CCDC149: variants seen among roughly 807,000 people sequenced by gnomAD.
CCDC149 encodes coiled-coil domain containing 149, also known as coiled-coil domain-containing protein 149.
A neutral mutation model predicts 59.9 loss-of-function variants in CCDC149; 45 were observed. That is an observed-to-expected ratio of 0.75 (90% confidence interval 0.59 to 0.96). The LOEUF (loss-of-function observed/expected upper bound fraction) is 0.96, where lower values mean the gene tolerates loss of function less well. Ranked by LOEUF, CCDC149 falls within the 40% of genes least tolerant of loss-of-function variation. CCDC149 has a pLI of 0.00. For missense variants in CCDC149, 584 were observed against 664.7 expected (o/e 0.88, Z 1.33); for synonymous variants, 245 against 260.6 (o/e 0.94, Z 0.58).
chr4:24,959,151 T>G (rs1349622466), intron 1 of CCDC149, among the ~76,000 whole-genome samples: 1 of 152,156 alleles, frequency 6.6e-6, no homozygotes, highest in Non-Finnish European at 1.5e-5. Context: ...TTTTTTTGTA[T>G]TTTTAGTGGA....
rs144007187 is a variant in CCDC149 at position 24,809,315 on chromosome 4, C to T, written c.1193-496G>A. 1.3e-3 allele frequency among the ~76,000 whole-genome samples: 197 copies of T among 152,314 alleles called. 1 individual carries two copies. Among genetic ancestry groups the T allele is most frequent in the African/African-American group, 4.5e-3 (189 of 41,578 alleles). On this transcript the variant is annotated intron_variant, in intron 12 of 12. Transcript: ENST00000635206. ...AGCATCTCATTCCTTAATGCGGACA[C>T]CTAGTGTTCCTCAATATCAAATAAA... is the stretch of plus-strand genomic sequence containing the variant.
Position 24,844,308 on chromosome 4 carries a change from A to G in CCDC149, c.373-6036T>C, listed in dbSNP as rs74365102. 6.4e-3 allele frequency among the ~76,000 whole-genome samples: 981 copies of G among 152,240 alleles called. 12 individuals are homozygous for G. The highest frequency in any genetic ancestry group is 0.022 in the African/African-American group (917 of 41,526). On this transcript the variant is annotated intron_variant, in intron 4 of 12. Coordinates refer to ENST00000635206, the MANE Select transcript of CCDC149 (RefSeq NM_001330643.2). ...CTCAAATGCTTCTTAGATCTATTAA[A>G]TAGGAAGCCTTCATTCTGTGCTCCC...
chr4:24,834,968 C>G lies in CCDC149; in HGVS notation c.800G>C (p.Gly267Ala). ...CCTACCTTGCTTTGCAGACAGGACT[C>G]CTGTCAGAGCACTGCTGCTGGATTT... Residue 267 changes from glycine (G) to alanine (A), a missense_variant, in exon 8 of 13, where the codon GGA becomes GCA. Physicochemically the swap from Gly to Ala is moderately conservative, Grantham distance 60. Coordinates refer to ENST00000635206, the MANE Select transcript of CCDC149 (RefSeq NM_001330643.2). 1 of 1,613,918 alleles carries G rather than the reference C, an allele frequency of 6.2e-7. No individual in the cohort carries two copies.
At chr4:24,889,350 T>A (rs74405434) in intron 1 of CCDC149, among the ~76,000 whole-genome samples, 2 of 152,312 alleles carry the variant, frequency 1.3e-5, no homozygotes, top group South Asian at 4.1e-4. Context: ...TTGTTGAAGA[T>A]AGCATCTATT....
At chr4:24,826,876 G>C (rs1159596867) in intron 9 of CCDC149, 1 of 152,248 alleles carries the variant, frequency 6.6e-6, no homozygotes, top group African/African-American at 2.4e-5. Context: ...GCTTAGCAGG[G>C]AAGAGAAGGA....
intron 1 of CCDC149, among the ~76,000 whole-genome samples, chr4:24,933,071 G>A (rs139487476): frequency 1.3e-5 from 2 of 152,158 alleles, no homozygotes; most frequent in Non-Finnish European, 1.5e-5. Context: ...AACAGAAAAT[G>A]ATCTTCTTCT....
intron 12 of CCDC149, among the ~76,000 whole-genome samples, chr4:24,812,438 G>A (rs551081756): frequency 3.3e-5 from 5 of 152,318 alleles, no homozygotes; most frequent in African/African-American, 7.2e-5. Flanking sequence ...CTCGCTTCTT[G>A]TAGAAGATAC....
chr4:24,861,711 A>T (rs1718397589), intron 3 of CCDC149, among the ~76,000 whole-genome samples: 2 of 152,196 alleles, frequency 1.3e-5, no homozygotes, highest in South Asian at 4.1e-4. Flanking sequence ...AATGACCATG[A>T]TGTTAAGGGA....
chr4:24,868,230 C>G (rs1335884856), intron 3 of CCDC149, among the ~76,000 whole-genome samples: 4 of 152,178 alleles, frequency 2.6e-5, no homozygotes, highest in African/African-American at 9.7e-5. Context: ...CTTTCTGCTT[C>G]TGGCTAAACG....
chr4:24,946,249 C>T (rs1430818043), intron 1 of CCDC149, among the ~76,000 whole-genome samples: 2 of 152,182 alleles, frequency 1.3e-5, no homozygotes, highest in Non-Finnish European at 1.5e-5. Context: ...TAGCCTGAAT[C>T]CTATCCACTT....
intron 7 of CCDC149, among the ~76,000 whole-genome samples, chr4:24,835,818 G>C (rs935220818): frequency 6.6e-6 from 1 of 152,110 alleles, no homozygotes; most frequent in Non-Finnish European, 1.5e-5. Flanking sequence ...CTCAGGAAGA[G>C]AAATCAATCT....
chr4:24,858,084 A>G (rs1478125575), intron 3 of CCDC149, among the ~76,000 whole-genome samples: 1 of 152,248 alleles, frequency 6.6e-6, no homozygotes, highest in Admixed American at 6.5e-5. Flanking sequence ...AGAAAAGTTC[A>G]CAGGATTCTT....
At chr4:24,872,391 G>A (rs1227019596) in intron 3 of CCDC149, among the ~76,000 whole-genome samples, 1 of 152,062 alleles carries the variant, frequency 6.6e-6, no homozygotes, top group Non-Finnish European at 1.5e-5. Flanking sequence ...CAAATATTAT[G>A]TACCTACCAA....
At chr4:24,893,407 C>T (rs368645380) in intron 1 of CCDC149, among the ~76,000 whole-genome samples, 1 of 152,084 alleles carries the variant, frequency 6.6e-6, no homozygotes, top group Non-Finnish European at 1.5e-5. Context: ...AAAATACCAA[C>T]ATACCCAAAT....
chr4:24,921,641 C>T (rs1722297930), intron 1 of CCDC149, among the ~76,000 whole-genome samples: 1 of 152,220 alleles, frequency 6.6e-6, no homozygotes, highest in South Asian at 2.1e-4. Flanking sequence ...ACTAATGTAC[C>T]TGCCATCACC....
chr4:24,804,486 CAAAAAAAAAAA>C (rs397796144), downstream of CCDC149, among the ~76,000 whole-genome samples: 1 of 57,126 alleles, frequency 1.8e-5, no homozygotes, highest in Non-Finnish European at 3.5e-5. Flanking sequence ...GTGAGACTCT[CAAAAAAAAAAA>C]AAAAAAAAAA....
chr4:24,975,740 C>T (rs572135394), intron 1 of CCDC149, among the ~76,000 whole-genome samples: 1 of 152,128 alleles, frequency 6.6e-6, no homozygotes, highest in South Asian at 2.1e-4. Context: ...CAAGGGTGGT[C>T]CCCCAAAGAA....
intron 1 of CCDC149, among the ~76,000 whole-genome samples, chr4:24,923,456 A>G (rs1409593426): frequency 6.6e-6 from 1 of 152,200 alleles, no homozygotes; most frequent in African/African-American, 2.4e-5. Context: ...AAATTATTTA[A>G]TCACCAAGAT....
intron 3 of CCDC149, among the ~76,000 whole-genome samples, chr4:24,863,720 C>T (rs1577423732): frequency 1.3e-5 from 2 of 152,256 alleles, no homozygotes; most frequent in African/African-American, 4.8e-5. Flanking sequence ...CTAGTCTTTG[C>T]TCATAGGTTA....
Sources: allele counts gnomAD v4.1 joint callset (sites outside exome capture counted in the v4.1 genomes callset), GRCh38; gene constraint gnomAD v4.1.1; transcripts MANE v1.5; gene names NCBI Gene and HGNC (gene_info 2026-07-23, HGNC 2026-07-21).